The following EFHD1 variants were observed in gnomAD, a reference collection of about 807,000 sequenced individuals.
The protein encoded by EFHD1 is EF-hand domain family member D1.
Under a neutral mutation model 17.2 loss-of-function variants are expected in EFHD1, and 10 were observed. That is an observed-to-expected ratio of 0.58 (90% CI 0.36 to 0.99). EFHD1 has a LOEUF of 0.99. Among genes scored for constraint, EFHD1 ranks in the 50% least tolerant of loss-of-function variants. The pLI is 0.01. For missense variants in EFHD1, 310 were observed against 327.5 expected (o/e 0.95, Z 0.41); for synonymous variants, 153 against 142.0 (o/e 1.08, Z -0.55).
At chr2:232,661,255 G>T (rs768768205) in intron 1 of EFHD1, among the ~76,000 whole-genome samples, 1 of 151,802 alleles carries the variant, frequency 6.6e-6, no homozygotes, top group South Asian at 2.1e-4. Context: ...ACCATCCATC[G>T]CCAGAACCTT....
chr2:232,631,942 G>A (rs1694210296), upstream of EFHD1, among the ~76,000 whole-genome samples: 1 of 151,596 alleles, frequency 6.6e-6, no homozygotes, highest in African/African-American at 2.4e-5. Flanking sequence ...GGCAGGGACT[G>A]CAGTGAGCCG....
upstream of EFHD1, among the ~76,000 whole-genome samples, chr2:232,632,948 C>CA (rs563765550): frequency 2.8e-4 from 42 of 152,306 alleles, no homozygotes; most frequent in South Asian, 4.1e-4. Flanking sequence ...GCGTTTCACG[C>CA]AAAAAAACCC....
chr2:232,664,909 G>A (rs189406672), intron 2 of EFHD1, among the ~76,000 whole-genome samples: 70 of 149,034 alleles, frequency 4.7e-4, no homozygotes, highest in African/African-American at 1.6e-3. Context: ...CACCACGCCC[G>A]GCCTATTTTT....
At chr2:232,620,858 C>T (rs1052365401) in intron 1 of EFHD1, among the ~76,000 whole-genome samples, 27 of 152,086 alleles carry the variant, frequency 1.8e-4, no homozygotes, top group Admixed American at 1.6e-3. Context: ...AAGCAGCAGC[C>T]ACATTCTTAG....
At chr2:232,661,649 C>T (rs1356720151) in intron 1 of EFHD1, 1 of 149,730 alleles carries the variant, frequency 6.7e-6, no homozygotes, top group Non-Finnish European at 1.5e-5. Flanking sequence ...TCACTGCCAC[C>T]TCCGCCTCCC....
intron 1 of EFHD1, among the ~76,000 whole-genome samples, chr2:232,615,683 CCT>C (rs1491420020): frequency 8.0e-6 from 1 of 125,326 alleles, no homozygotes; most frequent in African/African-American, 2.9e-5. Context: ...TTTTTCTTTT[CCT>C]TTTTTTTTTT....
Position 232,657,899 on chromosome 2 carries a change from CTTTTTTTTT to C in EFHD1, c.303-4892_303-4884del, listed in dbSNP as rs1194396166. ...AGGACCTTGCATTTTTCTTTCTTTT[CTTTTTTTTT>C]TTTTTTTTTTGAGACTGAGTTTCAC... On this transcript the variant is annotated intron_variant, in intron 1 of 3. Coordinates refer to ENST00000264059, the MANE Select transcript of EFHD1 (RefSeq NM_025202.4). Among the ~76,000 whole-genome samples the C allele has an allele frequency of 6.2e-3, 627 of 100,644 alleles. 10 individuals carry two copies. The highest frequency in any genetic ancestry group is 0.021 in the African/African-American group (587 of 27,750). 66.0% of individuals were successfully genotyped at this position (100,644 alleles called of 152,430 possible).
At chr2:232,672,467 A>G in intron 3 of EFHD1, 24 bp downstream of exon 3, 1 of 1,562,486 alleles carries the variant, frequency 6.4e-7, no homozygotes, top group Non-Finnish European at 8.6e-7. Context: ...TCCTTCTGTG[A>G]GGAGCAACCA....
At chr2:232,612,420 CACTA>C (rs1348503288) in intron 1 of EFHD1, among the ~76,000 whole-genome samples, 12 of 152,168 alleles carry the variant, frequency 7.9e-5, no homozygotes, top group Admixed American at 6.6e-4. Context: ...TTTTATAACT[CACTA>C]AATAATAAGA....
At chr2:232,656,721 A>T (rs113707402) in intron 1 of EFHD1, among the ~76,000 whole-genome samples, 11 of 151,758 alleles carry the variant, frequency 7.2e-5, no homozygotes, top group African/African-American at 2.7e-4. Context: ...GGAGGCATGC[A>T]CCACTGCTCC....
chr2:232,607,785 T>A (rs1231022315), intron 1 of EFHD1, among the ~76,000 whole-genome samples: 4 of 33,646 alleles, frequency 1.2e-4, no homozygotes, highest in African/African-American at 5.1e-4. Flanking sequence ...CAGGCTAAAA[T>A]TTTTTTTTTT....
rs1693710014 is a variant in EFHD1 at position 232,606,278 on chromosome 2, C to A, written c.14+105C>A. On this transcript the variant is annotated intron_variant, in intron 1 of 3. Coordinates refer to the EFHD1 transcript ENST00000409613. ...AGAATAGGTGCGCGGTAATTCCTGGCTTTCGCCACCGGAGGGCACTCCCGG... is the reference window on the plus strand; with the variant it reads ...AGAATAGGTGCGCGGTAATTCCTGGATTTCGCCACCGGAGGGCACTCCCGG... The A allele has an allele frequency of 5.8e-6, 8 of 1,375,020 alleles. No individual in the cohort carries two copies. The East Asian group carries it at 1.7e-4, about 30-fold the overall frequency. The allele number at this position is 1,375,020 out of a possible 1,614,324, so 85.2% of individuals were successfully genotyped here.
intron 1 of EFHD1, among the ~76,000 whole-genome samples, chr2:232,644,139 T>A (rs1694482823): frequency 6.6e-6 from 1 of 152,074 alleles, no homozygotes; most frequent in Non-Finnish European, 1.5e-5. Context: ...CCTTCCTCCC[T>A]CCAAAGAGCC....
intron 1 of EFHD1, among the ~76,000 whole-genome samples, chr2:232,644,475 G>C (rs1694489359): frequency 6.6e-6 from 1 of 151,654 alleles, no homozygotes; most frequent in African/African-American, 2.4e-5. Context: ...GTGTGTGTTG[G>C]GGGGTGTTCA....
intron 1 of EFHD1, among the ~76,000 whole-genome samples, chr2:232,651,067 T>A (rs1694644827): frequency 6.6e-6 from 1 of 151,912 alleles, no homozygotes; most frequent in African/African-American, 2.4e-5. Context: ...GAGGGAGGGA[T>A]CCAGGGTTAG....
At chr2:232,624,149 G>A (rs1169828840) in intron 1 of EFHD1, among the ~76,000 whole-genome samples, 4 of 152,198 alleles carry the variant, frequency 2.6e-5, no homozygotes, top group African/African-American at 9.6e-5. Flanking sequence ...TGTCGGGTGA[G>A]GAATAAGACT....
chr2:232,666,028 G>T (rs1694961619), intron 2 of EFHD1, among the ~76,000 whole-genome samples: 1 of 152,206 alleles, frequency 6.6e-6, no homozygotes. Context: ...TCAAGCGTTG[G>T]TCTGTCTAGG....
At chr2:232,659,814 G>A (rs185866614) in intron 1 of EFHD1, among the ~76,000 whole-genome samples, 19 of 152,316 alleles carry the variant, frequency 1.2e-4, no homozygotes, top group Middle Eastern at 3.4e-3. Flanking sequence ...GCATGGCAGC[G>A]TGTGCTTGGC....
At position 232,642,788 on chromosome 2, in the gene EFHD1, A is replaced by G. The variant is rs531519611; in HGVS notation, c.302+8782A>G. The stretch of plus-strand genomic sequence containing the variant: ...AGGGTCACCTCCAGCTGTTCCCGAG[A>G]GTCACCTCCAGCTGTTCCCGAGGGT... On this transcript the variant is annotated intron_variant, in intron 1 of 3. Coordinates refer to ENST00000264059, the MANE Select transcript of EFHD1 (RefSeq NM_025202.4). Among the ~76,000 whole-genome samples the G allele has an allele frequency of 3.6e-4, 55 of 151,370 alleles. 1 individual carries two copies. The South Asian group carries it at 9.9e-3, about 27-fold the overall frequency.
Sources: allele counts gnomAD v4.1 joint callset (sites outside exome capture counted in the v4.1 genomes callset), GRCh38; gene constraint gnomAD v4.1.1; transcripts MANE v1.5; gene names NCBI Gene and HGNC (gene_info 2026-07-23, HGNC 2026-07-21).